RBMS3: variants seen among roughly 807,000 people sequenced by gnomAD.
RBMS3 encodes RNA binding motif single stranded interacting protein 3, also known as RNA-binding motif, single-stranded-interacting protein 3.
A neutral mutation model predicts 66.8 loss-of-function variants in RBMS3; 27 were observed. The ratio of observed to expected loss-of-function variants is 0.40; its 90% CI spans 0.30 to 0.56. RBMS3 has a LOEUF of 0.56. Ranked by LOEUF, RBMS3 falls within the 20% of genes least tolerant of loss-of-function variation. The pLI, the probability that RBMS3 is intolerant of heterozygous loss-of-function variation, is 0.40. For synonymous variants in RBMS3, 188 were observed against 183.0 expected (o/e 1.03, Z -0.22); for missense variants, 513 against 549.5 (o/e 0.93, Z 0.66).
intron 3 of RBMS3, among the ~76,000 whole-genome samples, chr3:29,534,362 G>C (rs2045473628): frequency 6.6e-6 from 1 of 152,208 alleles, no homozygotes; most frequent in African/African-American, 2.4e-5. Flanking sequence ...GGTAACTGAA[G>C]TGGCTTTCCC....
At chr3:29,442,516 G>T (rs1019499561) in intron 2 of RBMS3, among the ~76,000 whole-genome samples, 2 of 152,026 alleles carry the variant, frequency 1.3e-5, no homozygotes, top group Non-Finnish European at 2.9e-5. Context: ...CTTAGTTTAC[G>T]ATCTTGATGG....
At chr3:29,759,739 A>G (rs1409839256) in intron 5 of RBMS3, among the ~76,000 whole-genome samples, 1 of 152,078 alleles carries the variant, frequency 6.6e-6, no homozygotes, top group Non-Finnish European at 1.5e-5. Context: ...TCTGGGTCTC[A>G]GTCTCACTTT....
At chr3:29,892,935 G>C (rs552855316) in intron 8 of RBMS3, among the ~76,000 whole-genome samples, 1 of 151,166 alleles carries the variant, frequency 6.6e-6, no homozygotes, top group South Asian at 2.1e-4. Context: ...AAAAAGCTAA[G>C]AGATTTGGAA....
chr3:29,523,724 C>CT (rs5847574), intron 3 of RBMS3, among the ~76,000 whole-genome samples: 7,084 of 152,054 alleles, frequency 0.047, 214 homozygotes, highest in South Asian at 0.1. Context: ...TAGATGATCT[C>CT]TTTTTTTCTT....
chr3:29,802,966 G>A (rs931239685), intron 6 of RBMS3, among the ~76,000 whole-genome samples: 1 of 152,182 alleles, frequency 6.6e-6, no homozygotes, highest in Non-Finnish European at 1.5e-5. Flanking sequence ...GGAGTTGGAA[G>A]AGGCAGGACA....
intron 6 of RBMS3, among the ~76,000 whole-genome samples, chr3:29,828,640 A>G (rs1004101079): frequency 6.6e-6 from 1 of 152,210 alleles, no homozygotes; most frequent in Admixed American, 6.6e-5. Flanking sequence ...AAAGAGTTAC[A>G]ATTATGAATT....
intron 3 of RBMS3, among the ~76,000 whole-genome samples, chr3:29,564,212 C>T (rs74729043): frequency 0.016 from 2,439 of 152,158 alleles, 28 homozygotes; most frequent in Admixed American, 0.036. Context: ...AGCAGGGGCT[C>T]ATGCCTGTAA....
chr3:29,391,976 A>T (rs1035034605), intron 1 of RBMS3, among the ~76,000 whole-genome samples: 1 of 152,158 alleles, frequency 6.6e-6, no homozygotes, highest in Admixed American at 6.6e-5. Context: ...GAGGCCTGGC[A>T]TGGTGGCTCA....
chr3:29,656,099 G>A (rs577013015), intron 4 of RBMS3, among the ~76,000 whole-genome samples: 6 of 151,976 alleles, frequency 3.9e-5, no homozygotes, highest in African/African-American at 1.4e-4. Flanking sequence ...AAATTTATAA[G>A]GTAAAAAAGT....
chr3:29,977,361 T>C (rs1227780659), intron 12 of RBMS3, among the ~76,000 whole-genome samples: 2 of 152,156 alleles, frequency 1.3e-5, no homozygotes, highest in Non-Finnish European at 2.9e-5. Context: ...AAAATATGTT[T>C]GTTTTGTTTT....
chr3:29,634,633 C>T (rs1441615839), intron 4 of RBMS3, among the ~76,000 whole-genome samples: 1 of 151,788 alleles, frequency 6.6e-6, no homozygotes, highest in African/African-American at 2.4e-5. Flanking sequence ...TCTTTATTGA[C>T]TTTCTTCCTT....
chr3:29,548,608 G>A (rs547027900), intron 3 of RBMS3, among the ~76,000 whole-genome samples: 2 of 151,374 alleles, frequency 1.3e-5, no homozygotes, highest in Non-Finnish European at 2.9e-5. Flanking sequence ...ATAAGAAAAA[G>A]GAAAACTGTA....
intron 4 of RBMS3, among the ~76,000 whole-genome samples, chr3:29,694,864 A>ATT (rs1559577408): frequency 3.9e-4 from 53 of 135,742 alleles, no homozygotes; most frequent in East Asian, 3.3e-3. Flanking sequence ...TTTTTTTTAA[A>ATT]AAAAAAATAC....
At chr3:29,367,727 T>A (rs2037985796) in intron 1 of RBMS3, among the ~76,000 whole-genome samples, 1 of 152,148 alleles carries the variant, frequency 6.6e-6, no homozygotes, top group Non-Finnish European at 1.5e-5. Flanking sequence ...GAAGAAAATA[T>A]AAAGTTGATT....
Position 29,898,511 on chromosome 3 carries a change from T to G in RBMS3, c.888+1036T>G, listed in dbSNP as rs534193104. On this transcript the variant is annotated intron_variant, in intron 9 of 14. Coordinates refer to ENST00000383767, the MANE Select transcript of RBMS3 (RefSeq NM_001003793.3). ...TCAGAGAATCAAACTTAAGACTATGTGCACTTTTCCTTAACTGATTCCCCC... is the reference window on the plus strand; with the variant it reads ...TCAGAGAATCAAACTTAAGACTATGGGCACTTTTCCTTAACTGATTCCCCC... Among the ~76,000 whole-genome samples the G allele has an allele frequency of 3.3e-5, 5 of 151,828 alleles. No homozygotes were observed. In the East Asian group the frequency reaches 7.8e-4, roughly 24 times the overall value.
intron 6 of RBMS3, chr3:29,766,947 A>T (rs1239076227): frequency 6.6e-6 from 1 of 152,004 alleles, no homozygotes; most frequent in East Asian, 1.9e-4. Context: ...ACAGCATTCC[A>T]TAAATGTTGC....
chr3:29,352,005 G>A (rs2036943551), intron 1 of RBMS3, among the ~76,000 whole-genome samples: 1 of 151,924 alleles, frequency 6.6e-6, no homozygotes, highest in Non-Finnish European at 1.5e-5. Flanking sequence ...CGTGTATACC[G>A]ATTTGAAATT....
At chr3:29,335,050 A>G (rs185555478) in intron 1 of RBMS3, among the ~76,000 whole-genome samples, 127 of 152,148 alleles carry the variant, frequency 8.3e-4, no homozygotes, top group African/African-American at 2.8e-3. Context: ...CCTCCTGACT[A>G]TAGGTCTGCC....
chr3:29,322,090 A>T (rs9310893), intron 1 of RBMS3, among the ~76,000 whole-genome samples: 124,315 of 152,040 alleles, frequency 0.82, 51,385 homozygotes, highest in African/African-American at 0.93. Flanking sequence ...CAGTTTTCTA[A>T]AGGATGCTCC....
Sources: gnomAD v4.1 joint callset for allele counts (sites outside exome capture counted in the v4.1 genomes callset) on GRCh38, gnomAD v4.1.1 for gene constraint, MANE v1.5 for transcripts, NCBI Gene and HGNC (gene_info 2026-07-23, HGNC 2026-07-21) for gene names.